Variants in AFAP1L2 observed in about 807,000 individuals in gnomAD.
AFAP1L2 encodes actin filament associated protein 1 like 2.
In AFAP1L2, 46 loss-of-function variants were observed where a neutral mutation model predicts 99.3. The ratio of observed to expected loss-of-function variants is 0.46; its 90% CI spans 0.37 to 0.59. AFAP1L2 has a LOEUF of 0.59. Ranked by LOEUF, AFAP1L2 falls within the 20% of genes least tolerant of loss-of-function variation. AFAP1L2 has a pLI of 0.00. For synonymous variants in AFAP1L2, 397 were observed against 419.1 expected (o/e 0.95, Z 0.64); for missense variants, 959 against 1,034.9 (o/e 0.93, Z 1.01).
the AFAP1L2 span, chr10:114,285,895 G>T: frequency 3.3e-6 from 5 of 1,531,180 alleles, no homozygotes; most frequent in Non-Finnish European, 3.5e-6. Context: ...CTCGCATGCC[G>T]CATGACCATG....
rs548839871 is a variant in AFAP1L2, at chr10:114,329,316, C to T, written c.315+2487G>A. On this transcript the variant is annotated intron_variant, in intron 4 of 18. Coordinates refer to ENST00000304129, the MANE Select transcript of AFAP1L2 (RefSeq NM_001001936.3). ...AATCCCAGGGCCCGCAGGGACTCTCCGTGGCCCAATTAACTTACAGCTGTA... is the reference window on the plus strand; with the variant it reads ...AATCCCAGGGCCCGCAGGGACTCTCTGTGGCCCAATTAACTTACAGCTGTA... Among the ~76,000 whole-genome samples, 9 of 152,304 alleles carry T rather than the reference C, an allele frequency of 5.9e-5. No individual in the cohort carries two copies. In the South Asian group the frequency reaches 1.2e-3, roughly 21 times the overall value.
chr10:114,373,651 AAC>A (rs976945898), intron 1 of AFAP1L2, among the ~76,000 whole-genome samples: 3 of 151,662 alleles, frequency 2.0e-5, no homozygotes, highest in African/African-American at 7.3e-5. Context: ...GACAAAAAAA[AAC>A]AACAACAAAA....
At chr10:114,322,119 A>G (rs1054546275) in intron 5 of AFAP1L2, among the ~76,000 whole-genome samples, 4 of 152,170 alleles carry the variant, frequency 2.6e-5, no homozygotes, top group Admixed American at 1.3e-4. Flanking sequence ...ACTGCCATGT[A>G]AGACGTCTTT....
At position 114,357,043 on chromosome 10, in the gene AFAP1L2, C is replaced by T. The variant is rs183058854; in HGVS notation, c.17-16312G>A. Among the ~76,000 whole-genome samples the T allele has an allele frequency of 3.3e-5, 5 of 152,302 alleles. No individual in the cohort carries two copies. The East Asian group carries it at 9.6e-4, about 29-fold the overall frequency. Reference sequence around the variant, plus strand: ...AACCCTTGAAGCCCCATTATATAAACAAGCTAAAGGTATCACAGAGTTTTG... The same window carrying T: ...AACCCTTGAAGCCCCATTATATAAATAAGCTAAAGGTATCACAGAGTTTTG... On this transcript the variant is annotated intron_variant, in intron 1 of 18. Coordinates refer to ENST00000304129, the MANE Select transcript of AFAP1L2 (RefSeq NM_001001936.3).
Position 114,295,231 on chromosome 10 carries a change from C to G in AFAP1L2, c.*811G>C. The G allele has an allele frequency of 1.0e-6, 1 of 985,714 alleles. No individual in the cohort carries two copies. The highest frequency in any genetic ancestry group is 1.2e-6 in the Non-Finnish European group (1 of 829,820). The allele number at this position is 985,714 out of a possible 1,614,324, so 61.1% of individuals were successfully genotyped here. On this transcript the variant is annotated 3_prime_UTR_variant, in exon 19 of 19. Transcript: ENST00000304129. Reference sequence around the variant, plus strand: ...CTGACCACAGCAATGAATCTGTAAACACAGAGTAATATTTTTCCTACAGTA... The same window carrying G: ...CTGACCACAGCAATGAATCTGTAAAGACAGAGTAATATTTTTCCTACAGTA...
intron 1 of AFAP1L2, among the ~76,000 whole-genome samples, chr10:114,375,801 T>C (rs765018604): frequency 2.6e-5 from 4 of 152,054 alleles, no homozygotes; most frequent in Non-Finnish European, 5.9e-5. Flanking sequence ...TAGCAAGACC[T>C]TGCCTCTACT....
intron 5 of AFAP1L2, chr10:114,319,666 C>A: frequency 7.8e-7 from 1 of 1,283,866 alleles, no homozygotes; most frequent in Non-Finnish European, 1.0e-6. Flanking sequence ...TCCAGGAGCA[C>A]AGACAGAGGG....
intron 5 of AFAP1L2, among the ~76,000 whole-genome samples, chr10:114,320,762 G>A (rs531549915): frequency 5.3e-5 from 8 of 152,272 alleles, no homozygotes; most frequent in South Asian, 2.1e-4. Flanking sequence ...CCCACAAACC[G>A]GCCCCCTGGT....
At chr10:114,397,597 G>A (rs1469724192) in intron 1 of AFAP1L2, among the ~76,000 whole-genome samples, 1 of 152,132 alleles carries the variant, frequency 6.6e-6, no homozygotes, top group Non-Finnish European at 1.5e-5. Context: ...AGGACTAAGG[G>A]GATTCCTGGG....
At chr10:114,390,516 T>C (rs2057005043) in intron 1 of AFAP1L2, among the ~76,000 whole-genome samples, 1 of 150,910 alleles carries the variant, frequency 6.6e-6, no homozygotes, top group Non-Finnish European at 1.5e-5. Flanking sequence ...AGGTCAGGAG[T>C]TCAAGACCAG....
chr10:114,343,915 T>C (rs1239747830), intron 1 of AFAP1L2, among the ~76,000 whole-genome samples: 1 of 152,078 alleles, frequency 6.6e-6, no homozygotes, highest in Non-Finnish European at 1.5e-5. Flanking sequence ...TGGGCCTGGA[T>C]GACTGAGCCG....
chr10:114,306,147 G>A (rs1321836885), intron 10 of AFAP1L2, among the ~76,000 whole-genome samples: 1 of 125,642 alleles, frequency 8.0e-6, no homozygotes, highest in Non-Finnish European at 1.7e-5. Context: ...AGGAGGGGAC[G>A]GGGCTGCAGG....
At chr10:114,368,881 CATGTAT>C (rs1184344528) in intron 1 of AFAP1L2, among the ~76,000 whole-genome samples, 3 of 151,092 alleles carry the variant, frequency 2.0e-5, no homozygotes, top group Admixed American at 1.3e-4. Flanking sequence ...TCACAATGTA[CATGTAT>C]ATCAAATTTT....
intron 1 of AFAP1L2, among the ~76,000 whole-genome samples, chr10:114,389,258 T>A (rs947485828): frequency 6.6e-6 from 1 of 152,048 alleles, no homozygotes; most frequent in African/African-American, 2.4e-5. Context: ...CAAAAAAGGA[T>A]TTTTTTAAAA....
intron 1 of AFAP1L2, among the ~76,000 whole-genome samples, chr10:114,381,532 C>T (rs1000302215): frequency 6.6e-6 from 1 of 151,916 alleles, no homozygotes; most frequent in African/African-American, 2.4e-5. Flanking sequence ...TTTAAATGGG[C>T]GAATTGTATG....
At chr10:114,370,230 G>T (rs745777786) in intron 1 of AFAP1L2, among the ~76,000 whole-genome samples, 3 of 152,210 alleles carry the variant, frequency 2.0e-5, no homozygotes, top group Non-Finnish European at 4.4e-5. Context: ...CATAATTAAA[G>T]TATCCTAATC....
At chr10:114,396,856 C>T (rs1025064813) in intron 1 of AFAP1L2, among the ~76,000 whole-genome samples, 4 of 152,194 alleles carry the variant, frequency 2.6e-5, no homozygotes, top group Admixed American at 2.6e-4. Context: ...TCCACTATCA[C>T]ACTGATTGTG....
In AFAP1L2 at chr10:114,390,047, C is replaced by T. The variant is rs117441502; in HGVS notation, c.16+14393G>A. 5.4e-3 allele frequency among the ~76,000 whole-genome samples: 818 copies of T among 152,348 alleles called. 6 individuals are homozygous for T. The highest frequency in any genetic ancestry group is 8.8e-3 in the Non-Finnish European group (601 of 68,040). On this transcript the variant is annotated intron_variant, in intron 1 of 18. Coordinates refer to ENST00000304129, the MANE Select transcript of AFAP1L2 (RefSeq NM_001001936.3). ...ATACCCCATTCTCCTCCCGCAACAA[C>T]GATGACCTTCCTAATATGCACCTTT...
chr10:114,327,173 A>ATATATATATATATTT (rs1491191152), intron 4 of AFAP1L2, among the ~76,000 whole-genome samples: 8 of 18,688 alleles, frequency 4.3e-4, no homozygotes, highest in African/African-American at 9.2e-4. Flanking sequence ...ATATATATAT[A>ATATATATATATATTT]TTTTTTTTTT....
Sources: gnomAD v4.1 joint callset for allele counts (sites outside exome capture counted in the v4.1 genomes callset) on GRCh38, gnomAD v4.1.1 for gene constraint, MANE v1.5 for transcripts, NCBI Gene and HGNC (gene_info 2026-07-23, HGNC 2026-07-21) for gene names.